The following PTPRQ variants were observed in gnomAD, a reference collection of about 807,000 sequenced individuals.
PTPRQ encodes protein tyrosine phosphatase receptor type Q, also known as phosphatidylinositol phosphatase PTPRQ.
A neutral mutation model predicts 246.0 loss-of-function variants in PTPRQ; 199 were observed. That is an observed-to-expected ratio of 0.81 (90% confidence interval 0.72 to 0.91). The LOEUF is 0.91. Among genes scored for constraint, PTPRQ ranks in the 40% least tolerant of loss-of-function variants. The pLI is 0.00. For missense variants in PTPRQ, 2,624 were observed against 2,528.4 expected, an observed-to-expected ratio of 1.04 and a Z score of -0.81; for synonymous variants, 869 against 853.2, an observed-to-expected ratio of 1.02 and a Z score of -0.32.
chr12:80,652,381 T>A (rs1900286033), intron 37 of PTPRQ, among the ~76,000 whole-genome samples: 1 of 152,134 alleles, frequency 6.6e-6, no homozygotes, highest in Non-Finnish European at 1.5e-5. Context: ...AATAAATCAT[T>A]GAAATCCCTT....
intron 7 of PTPRQ, among the ~76,000 whole-genome samples, chr12:80,469,095 A>G (rs921426989): frequency 3.9e-5 from 6 of 152,196 alleles, no homozygotes; most frequent in African/African-American, 9.6e-5. Flanking sequence ...ACTCCTCAAG[A>G]AAAAAGTGTT....
intron 39 of PTPRQ, among the ~76,000 whole-genome samples, chr12:80,658,957 T>A (rs1405345373): frequency 6.6e-6 from 1 of 152,014 alleles, no homozygotes; most frequent in Admixed American, 6.6e-5. Flanking sequence ...CTGTGTCTCA[T>A]TCCCTCCAAG....
chr12:80,677,111 T>C (rs550552554), intron 43 of PTPRQ, among the ~76,000 whole-genome samples: 30 of 152,326 alleles, frequency 2.0e-4, no homozygotes, highest in Non-Finnish European at 4.1e-4. Flanking sequence ...ACACCTATCA[T>C]TCTTTCCAGT....
chr12:80,598,349 A>G (rs1898037253), intron 26 of PTPRQ, among the ~76,000 whole-genome samples: 1 of 151,978 alleles, frequency 6.6e-6, no homozygotes, highest in Non-Finnish European at 1.5e-5. Flanking sequence ...AAACATCCAA[A>G]CTACAAAAGG....
rs1270955570 is a variant in PTPRQ, at chr12:80,619,452, A to C, written c.5299A>C (p.Thr1767Pro). 1 of 1,548,478 alleles carries C rather than the reference A, an allele frequency of 6.5e-7. No individual in the cohort carries two copies. Residue 1767 changes from threonine (T) to proline (P), a missense_variant, in exon 31 of 45, where the codon ACA (threonine) becomes CCA (proline). Thr to Pro is a conservative substitution (Grantham distance 38, BLOSUM62 -1). Transcript: ENST00000644991. The stretch of plus-strand genomic sequence containing the variant: ...CACAGGAAAACTGCTTGTGACTTCA[A>C]CAACAATTACAATCAGAATGCCAAT... ...DATGKLLVTS[T>P]TITIRMPICY...
intron 27 of PTPRQ, among the ~76,000 whole-genome samples, chr12:80,605,415 G>T (rs1306017374): frequency 6.6e-6 from 1 of 151,146 alleles, no homozygotes; most frequent in Non-Finnish European, 1.5e-5. Context: ...TATGGTAAAT[G>T]CTCAATAAAT....
intron 2 of PTPRQ, 146 bp from the exon 3 acceptor site, chr12:80,445,345 T>A (rs1023794297): frequency 5.6e-6 from 3 of 538,226 alleles, no homozygotes; most frequent in Admixed American, 3.5e-5. Context: ...AGTATTTTTT[T>A]AATAGTAACA....
At chr12:80,642,808 T>TA (rs1488241514) in intron 35 of PTPRQ, among the ~76,000 whole-genome samples, 2 of 148,036 alleles carry the variant, frequency 1.4e-5, no homozygotes, top group African/African-American at 5.0e-5. Context: ...TAGTCCCAGC[T>TA]ACTCGGGAGG....
chr12:80,636,854 C>T (rs1035356507), intron 35 of PTPRQ, among the ~76,000 whole-genome samples: 2 of 152,090 alleles, frequency 1.3e-5, no homozygotes, highest in African/African-American at 4.8e-5. Context: ...TATTATTTAT[C>T]GAAGAGGTTA....
chr12:80,466,716 A>G (rs1393288559), intron 6 of PTPRQ, among the ~76,000 whole-genome samples: 1 of 152,222 alleles, frequency 6.6e-6, no homozygotes, highest in East Asian at 1.9e-4. Context: ...ATCTACAACT[A>G]TCTGATCTTT....
At chr12:80,471,495 T>TTTTTTA (rs1565727801) in intron 7 of PTPRQ, among the ~76,000 whole-genome samples, 1 of 40,378 alleles carries the variant, frequency 2.5e-5, no homozygotes, top group South Asian at 9.5e-4. Context: ...TTTTTTTATT[T>TTTTTTA]GAGACAGAGT....
At chr12:80,463,999 T>A (rs28793082) in intron 6 of PTPRQ, among the ~76,000 whole-genome samples, 41 of 150,474 alleles carry the variant, frequency 2.7e-4, no homozygotes, top group Non-Finnish European at 4.4e-4. Flanking sequence ...TACTGACAGG[T>A]TCAAATTCAC....
At chr12:80,484,940 A>T (rs1488053833) in intron 9 of PTPRQ, among the ~76,000 whole-genome samples, 1 of 152,140 alleles carries the variant, frequency 6.6e-6, no homozygotes, top group African/African-American at 2.4e-5. Context: ...GCTCCTTCAA[A>T]GGCTGTGCTT....
chr12:80,506,593 T>A lies in PTPRQ; in HGVS notation c.2480T>A (p.Ile827Asn), dbSNP rs998478160. ...GTACTGAAGAAATATACCCAATATA[T>A]CATTGAGGTGTCTGCTAGTACACTC... ...IKVLKKYTQY[I>N]IEVSASTLKG... The change falls in exon 16 of 45, where the codon ATC (isoleucine) becomes AAC (asparagine). Residue 827 changes from isoleucine (I) to asparagine (N), a missense_variant. Coordinates refer to ENST00000644991, the MANE Select transcript of PTPRQ (RefSeq NM_001145026.2). 6 of 1,539,102 alleles carry A rather than the reference T, an allele frequency of 3.9e-6. No homozygotes were observed. In the African/African-American group the frequency reaches 8.3e-5, roughly 21 times the overall value.
intron 42 of PTPRQ, among the ~76,000 whole-genome samples, chr12:80,671,940 A>C (rs1034663930): frequency 4.6e-5 from 7 of 152,050 alleles, no homozygotes; most frequent in Non-Finnish European, 1.0e-4. Context: ...ACATTCAAAA[A>C]TGCTGCCACC....
rs539273953 is a variant in PTPRQ, at chr12:80,642,421, G to A, written c.5916-6476G>A. On this transcript the variant is annotated intron_variant, in intron 35 of 44. Coordinates refer to ENST00000644991, the MANE Select transcript of PTPRQ (RefSeq NM_001145026.2). ...CGGATGTAGCTAAACAATGCCCATG[G>A]TTTTCATTTAGAATACATGGTTGAC... 4.9e-4 allele frequency among the ~76,000 whole-genome samples: 74 copies of A among 152,236 alleles called. 1 individual carries two copies. Among genetic ancestry groups the A allele is most frequent in the African/African-American group, 1.7e-3 (69 of 41,542 alleles).
At chr12:80,521,009 C>T (rs1324333850) in intron 17 of PTPRQ, among the ~76,000 whole-genome samples, 1 of 151,900 alleles carries the variant, frequency 6.6e-6, no homozygotes. Flanking sequence ...TCTCCACATC[C>T]TCTCCAGCAC....
In PTPRQ at chr12:80,539,820, T is replaced by C. The variant is rs1328763057; in HGVS notation, c.3030T>C (p.Thr1010=). Reference sequence around the variant, plus strand: ...TAACCAATGACTTTGACAATATGACTGTATCCACAATTATAGATAAACTGA... The same window carrying C: ...TAACCAATGACTTTGACAATATGACCGTATCCACAATTATAGATAAACTGA... The part of the protein sequence containing the change: ...HEVTNDFDNM[T]VSTIIDKLTI... The change falls in exon 20 of 45, where the codon ACT becomes ACC. Residue 1010 remains threonine, a synonymous_variant. Transcript: ENST00000644991. 3.2e-6 allele frequency: 5 copies of C among 1,548,050 alleles called. No individual in the cohort carries two copies. Among genetic ancestry groups the C allele is most frequent in the African/African-American group, 1.4e-5 (1 of 72,944 alleles).
intron 14 of PTPRQ, among the ~76,000 whole-genome samples, chr12:80,498,394 T>C (rs576058041): frequency 6.6e-6 from 1 of 152,172 alleles, no homozygotes; most frequent in South Asian, 2.1e-4. Context: ...AGAGGTTCAT[T>C]CATTCAAAAA....
Sources: gnomAD v4.1 joint callset for allele counts (sites outside exome capture counted in the v4.1 genomes callset) on GRCh38, gnomAD v4.1.1 for gene constraint, MANE v1.5 for transcripts, NCBI Gene and HGNC (gene_info 2026-07-23, HGNC 2026-07-21) for gene names.